ITPR2: variants seen among roughly 807,000 people sequenced by gnomAD.
ITPR2 encodes the protein inositol 1,4,5-trisphosphate-gated calcium channel ITPR2.
In ITPR2, 207 loss-of-function variants were observed where a neutral mutation model predicts 317.1. That is an observed-to-expected ratio of 0.65 (90% CI 0.58 to 0.73). The LOEUF (loss-of-function observed/expected upper bound fraction) is 0.73. ITPR2 is among the 30% of genes least tolerant of loss of function. The probability of loss-of-function intolerance (pLI) is 0.00; values close to 1 mark genes in which losing one functional copy is unlikely to be tolerated. For synonymous variants in ITPR2, 1,156 were observed against 1,149.1 expected (o/e 1.01, Z -0.12); for missense variants, 2,613 against 3,284.0 (o/e 0.80, Z 4.99).
Position 26,637,581 on chromosome 12 carries a change from A to G in ITPR2, c.2741-5522T>C, listed in dbSNP as rs201796278. On this transcript the variant is annotated intron_variant, in intron 21 of 56. Coordinates refer to ENST00000381340, the MANE Select transcript of ITPR2 (RefSeq NM_002223.4). ...CTTCTTGTAAGAATAAAATTATATA[A>G]TATGTGCAAAAAAAGCCATGAACAA... 2.0e-5 allele frequency among the ~76,000 whole-genome samples: 3 copies of G among 152,160 alleles called. No homozygotes were observed. In the East Asian group the frequency reaches 5.8e-4, roughly 29 times the overall value.
At chr12:26,608,103 A>C (rs1244355100) in intron 26 of ITPR2, among the ~76,000 whole-genome samples, 2 of 152,302 alleles carry the variant, frequency 1.3e-5, no homozygotes, top group African/African-American at 4.8e-5. Flanking sequence ...CCTGGGCGAC[A>C]GAGTGAGACT....
At chr12:26,812,279 T>TA (rs1031410526) in intron 1 of ITPR2, among the ~76,000 whole-genome samples, 12 of 151,578 alleles carry the variant, frequency 7.9e-5, no homozygotes, top group South Asian at 2.1e-4. Flanking sequence ...TTTACCATTT[T>TA]AAAAAAAACC....
chr12:26,421,222 C>T (rs977187687), intron 49 of ITPR2: 4 of 152,150 alleles, frequency 2.6e-5, no homozygotes, highest in African/African-American at 9.7e-5. Flanking sequence ...GAGACTCCGC[C>T]ATTTTCACTT....
chr12:26,673,127 T>C (rs2136942577), intron 13 of ITPR2, among the ~76,000 whole-genome samples: 1 of 152,338 alleles, frequency 6.6e-6, no homozygotes, highest in Non-Finnish European at 1.5e-5. Flanking sequence ...AAGGAGGAAC[T>C]GGTATCATTC....
intron 10 of ITPR2, among the ~76,000 whole-genome samples, chr12:26,695,363 G>A (rs1948321274): frequency 6.6e-6 from 1 of 152,104 alleles, no homozygotes; most frequent in African/African-American, 2.4e-5. Context: ...TCTCTCAGAT[G>A]CCAGCTGCCT....
intron 26 of ITPR2, among the ~76,000 whole-genome samples, chr12:26,605,099 A>T (rs75545440): frequency 0.018 from 1,635 of 88,634 alleles, 44 homozygotes; most frequent in African/African-American, 0.061. Flanking sequence ...AAAAAAAAAA[A>T]AATAAAAATA....
At chr12:26,584,930 C>T (rs756017854) in intron 32 of ITPR2, among the ~76,000 whole-genome samples, 2 of 152,046 alleles carry the variant, frequency 1.3e-5, no homozygotes, top group Non-Finnish European at 2.9e-5. Context: ...ATTTGCATTC[C>T]GTTATTTGTG....
At chr12:26,577,041 G>A (rs1945294276) in intron 34 of ITPR2, among the ~76,000 whole-genome samples, 1 of 152,126 alleles carries the variant, frequency 6.6e-6, no homozygotes, top group Admixed American at 6.5e-5. Context: ...TCCCCCATGG[G>A]ATGATGCAGC....
intron 52 of ITPR2, 36 bp downstream of exon 52, chr12:26,411,284 T>C: frequency 2.2e-6 from 3 of 1,380,060 alleles, no homozygotes; most frequent in Non-Finnish European, 1.0e-6. Flanking sequence ...TTCAAAGATA[T>C]CAAGTTCATA....
chr12:26,820,032 C>T (rs953816782), intron 1 of ITPR2, among the ~76,000 whole-genome samples: 4 of 152,094 alleles, frequency 2.6e-5, no homozygotes, highest in Non-Finnish European at 5.9e-5. Flanking sequence ...GATCATGCCA[C>T]TGCACTCCAG....
intron 13 of ITPR2, among the ~76,000 whole-genome samples, chr12:26,674,961 G>A (rs1947874348): frequency 6.6e-6 from 1 of 151,938 alleles, no homozygotes; most frequent in African/African-American, 2.4e-5. Context: ...CACCATCACT[G>A]GCCATCAGAG....
chr12:26,773,338 T>A (rs1278184462), intron 2 of ITPR2, among the ~76,000 whole-genome samples: 1 of 152,194 alleles, frequency 6.6e-6, no homozygotes, highest in African/African-American at 2.4e-5. Flanking sequence ...AAATACATAT[T>A]TATTCAGCAC....
chr12:26,693,440 CA>C (rs1948277584), intron 10 of ITPR2, among the ~76,000 whole-genome samples: 1 of 152,160 alleles, frequency 6.6e-6, no homozygotes, highest in Admixed American at 6.6e-5. Context: ...TCGGTATCTG[CA>C]GAGGATTGGT....
In ITPR2 at chr12:26,336,333, G is replaced by A. The variant is rs1937915175; in HGVS notation, c.*3064C>T. Among the ~76,000 whole-genome samples the A allele has an allele frequency of 6.6e-6, 1 of 152,102 alleles. No homozygotes were observed. The highest frequency in any genetic ancestry group is 1.5e-5 in the Non-Finnish European group (1 of 68,014). ...AAAATAAAGAGAGCAGCCAAAACAG[G>A]GAGTTATGAGCTGAGAATATGGGAA... On this transcript the variant is annotated 3_prime_UTR_variant, in exon 57 of 57. Transcript: ENST00000381340.
intron 26 of ITPR2, among the ~76,000 whole-genome samples, chr12:26,618,782 T>G (rs990082826): frequency 7.2e-5 from 11 of 152,244 alleles, no homozygotes; most frequent in Non-Finnish European, 1.5e-4. Flanking sequence ...CACAGCTAAC[T>G]GGATAAACAT....
Position 26,642,581 on chromosome 12 carries a change from T to C in ITPR2, c.2741-10522A>G, listed in dbSNP as rs138204565. ...GTGAGCAATAAATTTCTGTTCCTTA[T>C]ACATTACCCAGTCTCAGGCATTCTG... On this transcript the variant is annotated intron_variant, in intron 21 of 56. Coordinates refer to ENST00000381340, the MANE Select transcript of ITPR2 (RefSeq NM_002223.4). Among the ~76,000 whole-genome samples the C allele has an allele frequency of 4.4e-3, 672 of 152,162 alleles. 4 individuals carry two copies. Among genetic ancestry groups the C allele is most frequent in the African/African-American group, 0.015 (640 of 41,522 alleles).
intron 55 of ITPR2, among the ~76,000 whole-genome samples, chr12:26,383,680 T>C (rs892281652): frequency 1.1e-4 from 17 of 149,876 alleles, no homozygotes; most frequent in Non-Finnish European, 1.8e-4. Flanking sequence ...GTATTTTTAA[T>C]AGAGATGGGG....
intron 2 of ITPR2, among the ~76,000 whole-genome samples, chr12:26,777,801 C>T (rs1950002371): frequency 6.6e-6 from 1 of 152,152 alleles, no homozygotes; most frequent in African/African-American, 2.4e-5. Context: ...TGAAGGACCC[C>T]ACTACACTAC....
chr12:26,702,038 T>C (rs572707274), intron 9 of ITPR2, among the ~76,000 whole-genome samples: 1 of 152,308 alleles, frequency 6.6e-6, no homozygotes, highest in South Asian at 2.1e-4. Context: ...GGAAGACCCA[T>C]TTACTGAGGT....
Sources: gnomAD v4.1 joint callset for allele counts (sites outside exome capture counted in the v4.1 genomes callset) on GRCh38, gnomAD v4.1.1 for gene constraint, MANE v1.5 for transcripts, NCBI Gene and HGNC (gene_info 2026-07-23, HGNC 2026-07-21) for gene names.